Variants in ANXA6 observed in about 807,000 individuals in gnomAD.
ANXA6 encodes 67 kDa calelectrin.
A neutral mutation model predicts 95.4 loss-of-function variants in ANXA6; 71 were observed. That is an observed-to-expected ratio of 0.74 (90% confidence interval 0.61 to 0.91). ANXA6 has a LOEUF of 0.91. ANXA6 is among the 40% of genes least tolerant of loss of function. The pLI is 0.00. For missense variants in ANXA6, 830 were observed against 876.4 expected (o/e 0.95, Z 0.67); for synonymous variants, 289 against 315.9 (o/e 0.91, Z 0.90).
In ANXA6 at chr5:151,154,686, C is replaced by T. The variant is rs148120885; in HGVS notation, c.-26+2994G>A. Among the ~76,000 whole-genome samples the T allele has an allele frequency of 4.7e-3, 721 of 152,324 alleles. 2 individuals are homozygous for T. Among genetic ancestry groups the T allele is most frequent in the African/African-American group, 0.015 (632 of 41,568 alleles). On this transcript the variant is annotated intron_variant, in intron 1 of 25. Transcript: ENST00000354546. ...TGCGTGGGCACACCCCCCAGCTTGA[C>T]GACTGGGGTTTCTTAGGGAGCAGTG...
chr5:151,122,518 T>A (rs1192580651), intron 16 of ANXA6, among the ~76,000 whole-genome samples: 1 of 152,182 alleles, frequency 6.6e-6, no homozygotes, highest in Non-Finnish European at 1.5e-5. Context: ...CTGTTTCCAC[T>A]CAGGGGGAAA....
rs1057177250 is a variant in ANXA6 at position 151,101,438 on chromosome 5, A to G, written c.*10T>C. On this transcript the variant is annotated 3_prime_UTR_variant, in exon 26 of 26. Coordinates refer to ENST00000354546, the MANE Select transcript of ANXA6 (RefSeq NM_001155.5). ...ATTTCTTGGCAGAAGTGCCCGCCAA[A>G]GCTGTGGCCCTAGTCCTCACCACCA... 4.8e-5 allele frequency: 75 copies of G among 1,555,058 alleles called. No individual in the cohort carries two copies. In the African/African-American group the frequency reaches 9.6e-4, roughly 20 times the overall value.
chr5:151,101,665 C>T (rs935664573), intron 25 of ANXA6, among the ~76,000 whole-genome samples, 158 bp from the exon 26 acceptor site: 3 of 152,208 alleles, frequency 2.0e-5, no homozygotes, highest in African/African-American at 7.2e-5. Flanking sequence ...CTCCCAGACA[C>T]ATAAATGTGA....
rs150432103 is a variant in ANXA6 at position 151,129,597 on chromosome 5, T to A, written c.796-68A>T. 7.2e-4 allele frequency: 1,081 copies of A among 1,492,482 alleles called. 4 individuals are homozygous for A. In the African/African-American group the frequency reaches 0.012, roughly 17 times the overall value. The allele number at this position is 1,492,482 out of a possible 1,614,324, so 92.5% of individuals were successfully genotyped here. On this transcript the variant is annotated intron_variant, in intron 11 of 25. Transcript: ENST00000354546. ...GCTAGAGTGCTGATAGCTCCCAGCT[T>A]AGTTGAAAATCCTATTTTCATAATA...
chr5:151,127,746 CA>C (rs1765367710), intron 13 of ANXA6, among the ~76,000 whole-genome samples: 2 of 152,248 alleles, frequency 1.3e-5, no homozygotes, highest in Non-Finnish European at 2.9e-5. Flanking sequence ...TGGCCTTCAT[CA>C]GGGGCTTCCT....
Position 151,108,352 on chromosome 5 carries a change from AC to A in ANXA6, c.1780+102del, listed in dbSNP as rs764133603. 1,029 of 1,058,806 alleles carry A rather than the reference AC, an allele frequency of 9.7e-4. 1 individual carries two copies. The Middle Eastern group carries it at 0.015, about 15-fold the overall frequency. The allele number at this position is 1,058,806 out of a possible 1,614,324, so 65.6% of individuals were successfully genotyped here. ...CTGGAGGCGAACTGTGACAGTGTTT[AC>A]TTTCCAGTAGTAGCTTCGGAGGCTG... is the stretch of plus-strand genomic sequence containing the variant. On this transcript the variant is annotated intron_variant, in intron 23 of 25. Transcript: ENST00000354546.
intron 1 of ANXA6, among the ~76,000 whole-genome samples, chr5:151,149,547 C>T (rs1400689177): frequency 1.3e-5 from 2 of 151,966 alleles, no homozygotes; most frequent in South Asian, 2.1e-4. Flanking sequence ...AGTGCAGTGG[C>T]GCAATCTCAG....
Position 151,101,482 on chromosome 5 carries a change from T to C in ANXA6, c.1988A>G (p.Lys663Arg), listed in dbSNP as rs557813899. 48 of 1,561,164 alleles carry C rather than the reference T, an allele frequency of 3.1e-5. No homozygotes were observed. The highest frequency in any genetic ancestry group is 4.8e-5 in the East Asian group (2 of 41,452). ...ACCACCACAGAGAGCCAGCAAGGCC[T>C]TCAGGAAGTCTCCGGAGGTGTCACC... ...IEGDTSGDFL[K>R]ALLALCGGED The change falls in exon 26 of 26, where the codon AAG (lysine) becomes AGG (arginine). Residue 663 changes from lysine (K) to arginine (R), a missense_variant. By Grantham distance (26) the Lys-to-Arg change is conservative. Transcript: ENST00000354546.
At chr5:151,138,544 A>C in intron 5 of ANXA6, 134 bp downstream of exon 5, 1 of 648,484 alleles carries the variant, frequency 1.5e-6, no homozygotes, top group East Asian at 2.7e-5. Context: ...CTCTGGGATA[A>C]ATTTAGATGT....
chr5:151,105,976 A>G (rs776267138), intron 23 of ANXA6, among the ~76,000 whole-genome samples: 3 of 152,166 alleles, frequency 2.0e-5, no homozygotes, highest in Non-Finnish European at 4.4e-5. Flanking sequence ...CCTTGCGCAA[A>G]TCAGGATGGT....
chr5:151,101,388 G>A lies in ANXA6; in HGVS notation c.*60C>T. 1 of 1,415,926 alleles carries A rather than the reference G, an allele frequency of 7.1e-7. No individual in the cohort carries two copies. The highest frequency in any genetic ancestry group is 9.7e-7 in the Non-Finnish European group (1 of 1,027,206). The allele number at this position is 1,415,926 out of a possible 1,614,324, so 87.7% of individuals were successfully genotyped here. A position where few individuals can be genotyped will look rare whatever the true frequency, so the allele number is the denominator to read the frequency against. On this transcript the variant is annotated 3_prime_UTR_variant, in exon 26 of 26. Transcript: ENST00000354546. ...TCTGGAGCTGGAACAATCAGGCTTG[G>A]CCATGGCGGCTGGTGCTGATAACCA...
At chr5:151,114,161 T>C (rs1490613570) in intron 20 of ANXA6, among the ~76,000 whole-genome samples, 1 of 152,096 alleles carries the variant, frequency 6.6e-6, no homozygotes, top group Non-Finnish European at 1.5e-5. Context: ...ACAGCTAATG[T>C]GTATGGAGTT....
intron 8 of ANXA6, among the ~76,000 whole-genome samples, chr5:151,133,909 T>C (rs1173798282): frequency 1.3e-5 from 2 of 152,378 alleles, no homozygotes; most frequent in Admixed American, 6.5e-5. Flanking sequence ...TAATGATTTC[T>C]TCACCTGTCT....
intron 18 of ANXA6, among the ~76,000 whole-genome samples, chr5:151,119,037 C>T (rs750510092): frequency 1.3e-5 from 2 of 152,210 alleles, no homozygotes; most frequent in Admixed American, 6.5e-5. Flanking sequence ...CCCCTAGAGT[C>T]GCCCTCCCTC....
intron 2 of ANXA6, among the ~76,000 whole-genome samples, chr5:151,142,537 C>A (rs565572247): frequency 6.6e-6 from 1 of 151,606 alleles, no homozygotes; most frequent in Admixed American, 6.6e-5. Flanking sequence ...TTCTTTGCAA[C>A]GATCCTTAAA....
At chr5:151,132,654 A>G in intron 9 of ANXA6, 83 bp from the exon 10 acceptor site, 1 of 1,198,518 alleles carries the variant, frequency 8.3e-7, no homozygotes, top group Non-Finnish European at 1.2e-6. Context: ...GCAGGGGGGC[A>G]CAGTGGCCAG....
At chr5:151,134,637 T>TA (rs1765607418) in intron 7 of ANXA6, among the ~76,000 whole-genome samples, 154 bp from the exon 8 acceptor site, 1 of 152,224 alleles carries the variant, frequency 6.6e-6, no homozygotes, top group Non-Finnish European at 1.5e-5. Context: ...CCACAGTATC[T>TA]ATTTTGTGAG....
chr5:151,138,649 C>A, intron 5 of ANXA6, 29 bp downstream of exon 5: 1 of 1,542,460 alleles, frequency 6.5e-7, no homozygotes, highest in Non-Finnish European at 8.9e-7. Context: ...CATCCCCACC[C>A]CAACACCACA....
intron 2 of ANXA6, among the ~76,000 whole-genome samples, chr5:151,146,992 C>T (rs937030470): frequency 6.6e-5 from 10 of 152,078 alleles, no homozygotes; most frequent in African/African-American, 1.7e-4. Flanking sequence ...AGGCTGGTGT[C>T]GAAATCCTGC....
Sources: allele counts gnomAD v4.1 joint callset (sites outside exome capture counted in the v4.1 genomes callset), GRCh38; gene constraint gnomAD v4.1.1; transcripts MANE v1.5; gene names NCBI Gene and HGNC (gene_info 2026-07-23, HGNC 2026-07-21).